CNTN5: variants seen among roughly 807,000 people sequenced by gnomAD.
CNTN5 encodes the protein contactin 5, also known as contactin-5.
In CNTN5, 77 loss-of-function variants were observed where a neutral mutation model predicts 129.1. That is an observed-to-expected ratio of 0.60 (90% CI 0.50 to 0.72). The LOEUF (loss-of-function observed/expected upper bound fraction) is 0.72, where lower values mean the gene tolerates loss of function less well. Among genes scored for constraint, CNTN5 ranks in the 30% least tolerant of loss-of-function variants. The probability of loss-of-function intolerance (pLI) is 0.00; values close to 1 mark genes in which losing one functional copy is unlikely to be tolerated. For synonymous variants in CNTN5, 509 were observed against 465.6 expected (o/e 1.09, Z -1.20); for missense variants, 1,478 against 1,328.8 (o/e 1.11, Z -1.75).
intron 3 of CNTN5, among the ~76,000 whole-genome samples, chr11:99,639,090 C>T (rs993513087): frequency 9.8e-5 from 15 of 152,340 alleles, no homozygotes; most frequent in Admixed American, 9.8e-4. Context: ...GGCAAAGGTT[C>T]CCAAACCTCA....
chr11:99,487,589 C>A (rs1447755979), intron 2 of CNTN5, among the ~76,000 whole-genome samples: 1 of 152,058 alleles, frequency 6.6e-6, no homozygotes, highest in African/African-American at 2.4e-5. Flanking sequence ...ATGAAGAGTT[C>A]TTCTTATTTC....
chr11:100,025,846 TA>T (rs1290426850), intron 9 of CNTN5, among the ~76,000 whole-genome samples: 3 of 152,196 alleles, frequency 2.0e-5, no homozygotes, highest in African/African-American at 7.2e-5. Context: ...ATTTAGGAAG[TA>T]ACTAACTTGC....
chr11:100,000,832 A>G (rs1939818693), intron 8 of CNTN5, among the ~76,000 whole-genome samples: 1 of 152,136 alleles, frequency 6.6e-6, no homozygotes, highest in Non-Finnish European at 1.5e-5. Context: ...CCAACACCAC[A>G]TGGAATTTGC....
intron 3 of CNTN5, among the ~76,000 whole-genome samples, chr11:99,671,069 T>G (rs1442247152): frequency 6.6e-5 from 10 of 152,122 alleles, no homozygotes; most frequent in African/African-American, 2.4e-4. Flanking sequence ...TTGCACGTGC[T>G]CTCTCTCGCT....
chr11:99,782,365 G>A (rs1166910788), intron 3 of CNTN5, among the ~76,000 whole-genome samples: 2 of 149,518 alleles, frequency 1.3e-5, no homozygotes, highest in African/African-American at 5.0e-5. Flanking sequence ...ATGCTCATGG[G>A]TAGGAAGAAT....
intron 2 of CNTN5, among the ~76,000 whole-genome samples, chr11:99,486,246 A>G (rs554402085): frequency 2.6e-4 from 39 of 152,200 alleles, no homozygotes; most frequent in Admixed American, 1.6e-3. Context: ...CTTTTAATAA[A>G]CTAATTTAGA....
intron 6 of CNTN5, among the ~76,000 whole-genome samples, chr11:99,883,364 C>A (rs1054930663): frequency 3.9e-5 from 6 of 152,196 alleles, no homozygotes; most frequent in African/African-American, 1.4e-4. Flanking sequence ...TTCTCCCTAT[C>A]CTTGCCGGCA....
intron 1 of CNTN5, among the ~76,000 whole-genome samples, chr11:99,204,544 T>C (rs893537012): frequency 6.6e-6 from 1 of 152,234 alleles, no homozygotes; most frequent in African/African-American, 2.4e-5. Flanking sequence ...ATGATAACTT[T>C]CTTTTTTCTT....
intron 13 of CNTN5, among the ~76,000 whole-genome samples, chr11:100,185,110 T>C (rs1039871145): frequency 2.6e-5 from 4 of 152,150 alleles, no homozygotes; most frequent in African/African-American, 7.2e-5. Flanking sequence ...TGTGAGTCAA[T>C]TAAACCTCTT....
intron 3 of CNTN5, among the ~76,000 whole-genome samples, chr11:99,704,319 A>G (rs1278904148): frequency 3.3e-5 from 5 of 151,140 alleles, no homozygotes; most frequent in Non-Finnish European, 5.9e-5. Flanking sequence ...CAAAATTGAT[A>G]TGAATTGGAG....
chr11:99,495,791 A>T (rs1946202521), intron 2 of CNTN5, among the ~76,000 whole-genome samples: 1 of 152,192 alleles, frequency 6.6e-6, no homozygotes, highest in African/African-American at 2.4e-5. Context: ...AAATCTAGAA[A>T]ATAATTAGAG....
intron 18 of CNTN5, among the ~76,000 whole-genome samples, chr11:100,274,599 G>A (rs1023940396): frequency 2.0e-5 from 3 of 152,096 alleles, no homozygotes; most frequent in South Asian, 2.1e-4. Context: ...AGACATACAC[G>A]TGGCCAACAA....
intron 3 of CNTN5, among the ~76,000 whole-genome samples, chr11:99,757,946 A>G (rs889005301): frequency 2.0e-5 from 3 of 152,126 alleles, no homozygotes; most frequent in Non-Finnish European, 2.9e-5. Flanking sequence ...TATGATTATT[A>G]TACAGAATTA....
chr11:100,185,013 T>C (rs549832230), intron 13 of CNTN5, among the ~76,000 whole-genome samples: 3 of 152,056 alleles, frequency 2.0e-5, no homozygotes, highest in Admixed American at 1.3e-4. Flanking sequence ...TGGCGCTCTC[T>C]CTCCTGCCGC....
At chr11:99,443,992 C>T (rs974150831) in intron 2 of CNTN5, among the ~76,000 whole-genome samples, 2 of 151,960 alleles carry the variant, frequency 1.3e-5, no homozygotes, top group Non-Finnish European at 2.9e-5. Context: ...GAGGTCAGGA[C>T]TTCGAGACCA....
chr11:99,529,829 A>G (rs562290867), intron 2 of CNTN5, among the ~76,000 whole-genome samples: 1 of 152,322 alleles, frequency 6.6e-6, no homozygotes, highest in Non-Finnish European at 1.5e-5. Context: ...ATTAACATGG[A>G]GTGGAGTATG....
intron 9 of CNTN5, among the ~76,000 whole-genome samples, chr11:100,036,733 G>A (rs1942037373): frequency 6.7e-6 from 1 of 149,558 alleles, no homozygotes; most frequent in African/African-American, 2.5e-5. Context: ...TGAAGCAATT[G>A]TGAATGGGAG....
rs116676260 is a variant in CNTN5, at chr11:100,191,048, T to C, written c.1581-78T>C. The stretch of plus-strand genomic sequence containing the variant: ...CTTATTATCACCCTAGAAATGGTTT[T>C]AGACTTCATCATTGGTTCTTACTAT... On this transcript the variant is annotated intron_variant, in intron 13 of 24. Transcript: ENST00000524871. 2.8e-3 allele frequency: 2,779 copies of C among 975,568 alleles called. 53 individuals are homozygous for C. In the African/African-American group the frequency reaches 0.041, roughly 14 times the overall value. The allele number at this position is 975,568 out of a possible 1,614,324, so 60.4% of individuals were successfully genotyped here.
chr11:99,492,434 CT>C (rs1946071883), intron 2 of CNTN5, among the ~76,000 whole-genome samples: 1 of 152,090 alleles, frequency 6.6e-6, no homozygotes, highest in Non-Finnish European at 1.5e-5. Context: ...CCTCAGCATT[CT>C]TTTTTCTTTG....
Sources: gnomAD v4.1 joint callset for allele counts (sites outside exome capture counted in the v4.1 genomes callset) on GRCh38, gnomAD v4.1.1 for gene constraint, MANE v1.5 for transcripts, NCBI Gene and HGNC (gene_info 2026-07-23, HGNC 2026-07-21) for gene names.